Variants in ZNF791 observed in about 807,000 individuals in gnomAD.
ZNF791 encodes the protein zinc finger protein 791.
A neutral mutation model predicts 11.5 loss-of-function variants in ZNF791; 4 were observed. The ratio of observed to expected loss-of-function variants is 0.35; its 90% CI spans 0.17 to 0.80. The LOEUF (loss-of-function observed/expected upper bound fraction) is 0.80. ZNF791 is among the 30% of genes least tolerant of loss of function. ZNF791 has a pLI of 0.53. For synonymous variants in ZNF791, 212 were observed against 228.1 expected (o/e 0.93, Z 0.64); for missense variants, 559 against 699.4 (o/e 0.80, Z 2.26).
intron 1 of ZNF791, chr19:12,623,192 G>A (rs2023379746): frequency 6.5e-6 from 1 of 153,286 alleles, no homozygotes; most frequent in Non-Finnish European, 1.5e-5. Flanking sequence ...TTGAGCTGAG[G>A]AGTTTGAGAC....
chr19:12,615,775 G>A (rs1242614688), intron 1 of ZNF791, among the ~76,000 whole-genome samples: 16 of 128,504 alleles, frequency 1.2e-4, no homozygotes, highest in African/African-American at 4.9e-4. Flanking sequence ...GCAAGACTCC[G>A]TCTCAAAAAA....
chr19:12,614,698 G>A (rs185022731), intron 1 of ZNF791, among the ~76,000 whole-genome samples: 3 of 150,738 alleles, frequency 2.0e-5, no homozygotes, highest in African/African-American at 4.9e-5. Context: ...AGGTTCAAGC[G>A]ATTCTTCTGC....
intron 1 of ZNF791, among the ~76,000 whole-genome samples, chr19:12,621,056 C>T (rs2023335426): frequency 6.6e-6 from 1 of 151,970 alleles, no homozygotes. Context: ...CCATCCTGAC[C>T]CAGATTTTAT....
intron 1 of ZNF791, among the ~76,000 whole-genome samples, chr19:12,621,896 G>A (rs2023355229): frequency 1.7e-5 from 2 of 118,478 alleles, no homozygotes; most frequent in Non-Finnish European, 3.7e-5. Context: ...TGACAATGGC[G>A]GCTTTGTGGA....
chr19:12,627,919 G>A lies in ZNF791; in HGVS notation c.390G>A (p.Lys130=), dbSNP rs2145196232. 1 of 1,614,106 alleles carries A rather than the reference G, an allele frequency of 6.2e-7. No homozygotes were observed. Among genetic ancestry groups the A allele is most frequent in the Non-Finnish European group, 8.5e-7 (1 of 1,180,022 alleles). ...RSHTGYELFE[K]PYKCKECEKA... ...ACACTGGATACGAGCTATTTGAGAA[G>A]CCATATAAATGTAAGGAGTGTGAGA... Residue 130 remains lysine, a synonymous_variant, in exon 4 of 4, where the codon AAG becomes AAA. Coordinates refer to ENST00000343325, the MANE Select transcript of ZNF791 (RefSeq NM_153358.3).
intron 1 of ZNF791, among the ~76,000 whole-genome samples, chr19:12,622,698 G>A (rs2023372773): frequency 6.6e-6 from 1 of 151,906 alleles, no homozygotes; most frequent in Non-Finnish European, 1.5e-5. Context: ...TTCAAGACCA[G>A]CCTAGCCAAG....
rs1803434734 is a variant in ZNF791 at position 12,610,956 on chromosome 19, T to A, written c.-124T>A. 1.5e-6 allele frequency: 2 copies of A among 1,349,104 alleles called. No individual in the cohort carries two copies. The highest frequency in any genetic ancestry group is 2.1e-6 in the Non-Finnish European group (2 of 945,622). 83.6% of individuals were successfully genotyped at this position (1,349,104 alleles called of 1,614,324 possible). On this transcript the variant is annotated 5_prime_UTR_variant, in exon 1 of 4. Coordinates refer to ENST00000343325, the MANE Select transcript of ZNF791 (RefSeq NM_153358.3). ...ACGTCACTGTGCGATCGGGTTGTGC[T>A]TAGCTTGGGGTCTCCTGGCCCCTTG...
chr19:12,611,113 C>T (rs1043949858), intron 1 of ZNF791, 31 bp downstream of exon 1: 1 of 1,613,254 alleles, frequency 6.2e-7, no homozygotes, highest in Non-Finnish European at 8.5e-7. Flanking sequence ...TAGTTGGAAC[C>T]GGCCGTGATC....
intron 1 of ZNF791, among the ~76,000 whole-genome samples, chr19:12,611,338 G>C (rs1255932752): frequency 6.6e-6 from 1 of 152,186 alleles, no homozygotes; most frequent in East Asian, 1.9e-4. Context: ...TTGTGTGTTT[G>C]GTTTGTGTGG....
intron 1 of ZNF791, among the ~76,000 whole-genome samples, chr19:12,614,182 G>T (rs963925126): frequency 5.9e-5 from 9 of 152,090 alleles, no homozygotes; most frequent in Admixed American, 3.9e-4. Flanking sequence ...CTGATCAGGT[G>T]CTTCTATCCT....
intron 1 of ZNF791, among the ~76,000 whole-genome samples, chr19:12,616,738 G>A (rs1313305368): frequency 1.3e-5 from 2 of 152,104 alleles, no homozygotes; most frequent in Non-Finnish European, 2.9e-5. Flanking sequence ...TTAGATACTA[G>A]TCCTTAATCA....
At chr19:12,622,427 A>G (rs896927385) in intron 1 of ZNF791, among the ~76,000 whole-genome samples, 2 of 146,678 alleles carry the variant, frequency 1.4e-5, no homozygotes, top group African/African-American at 4.9e-5. Flanking sequence ...AAAAAAAAAA[A>G]AAAAACCTCC....
At position 12,623,785 on chromosome 19, in the gene ZNF791, G is replaced by A; in HGVS notation, c.89G>A (p.Arg30Lys). The A allele has an allele frequency of 6.3e-7, 1 of 1,594,978 alleles. No homozygotes were observed. The highest frequency in any genetic ancestry group is 8.6e-7 in the Non-Finnish European group (1 of 1,167,168). ...GCTCCTTCACAGAAGAAACTCTACA[G>A]AGATGTGATGCAGGAAACATTCAAG... ...LLAPSQKKLYRDVMQETFKNL... is the reference protein window; with the variant it reads ...LLAPSQKKLYKDVMQETFKNL... The change falls in exon 2 of 4, where the codon AGA becomes AAA. Residue 30 changes from arginine to lysine, a missense_variant. Arg to Lys is a conservative substitution (Grantham distance 26). Transcript: ENST00000343325.
At position 12,628,578 on chromosome 19, in the gene ZNF791, A is replaced by G. The variant is rs754719462; in HGVS notation, c.1049A>G (p.His350Arg). Residue 350 changes from histidine to arginine, a missense_variant, in exon 4 of 4, where the codon CAT (histidine) becomes CGT (arginine). His to Arg is a conservative substitution (Grantham distance 29, BLOSUM62 0). Transcript: ENST00000343325. ...GCCTTTCGAGTACACGTGAGAGTGCATACTGGAGAGAAACCCTATAAGTGT... is the reference window on the plus strand; with the variant it reads ...GCCTTTCGAGTACACGTGAGAGTGCGTACTGGAGAGAAACCCTATAAGTGT... ...RPAFRVHVRV[H>R]TGEKPYKCKE... 1 of 1,599,540 alleles carries G rather than the reference A, an allele frequency of 6.3e-7. No individual in the cohort carries two copies.
At position 12,630,905 on chromosome 19, in the gene ZNF791, T is replaced by C. The variant is rs1428962445; in HGVS notation, c.*1645T>C. 6.6e-6 allele frequency: 1 copy of C among 152,240 alleles called. No individual in the cohort carries two copies. Among genetic ancestry groups the C allele is most frequent in the Admixed American group, 6.5e-5 (1 of 15,280 alleles). The allele number at this position is 152,240 out of a possible 1,614,324, so 9.4% of individuals were successfully genotyped here. ...AAAAATAAGTTTATAAAGAAAATAA[T>C]GTACAGTAAGTTAAGGTTTATTCAT... On this transcript the variant is annotated 3_prime_UTR_variant, in exon 4 of 4. Coordinates refer to ENST00000343325, the MANE Select transcript of ZNF791 (RefSeq NM_153358.3).
chr19:12,629,063 C>A lies in ZNF791; in HGVS notation c.1534C>A (p.Gln512Lys), dbSNP rs779512556. 13 of 1,610,886 alleles carry A rather than the reference C, an allele frequency of 8.1e-6. No individual in the cohort carries two copies. Among genetic ancestry groups the A allele is most frequent in the Non-Finnish European group, 8.5e-7 (1 of 1,178,848 alleles). ...GKAFIYPTSF[Q>K]GHMRMHTGEK... ...GGCCTTTATTTATCCCACAAGCTTT[C>A]AAGGACACATGAGAATGCATACTGG... The change falls in exon 4 of 4, where the codon CAA becomes AAA. Residue 512 changes from glutamine (Q) to lysine (K), a missense_variant. By Grantham distance (53) the Gln-to-Lys change is moderately conservative. Coordinates refer to ENST00000343325, the MANE Select transcript of ZNF791 (RefSeq NM_153358.3).
At position 12,628,877 on chromosome 19, in the gene ZNF791, A is replaced by C. The variant is rs1330371750; in HGVS notation, c.1348A>C (p.Ile450Leu). The change falls in exon 4 of 4, where the codon ATT becomes CTT. Residue 450 changes from isoleucine (I) to leucine (L), a missense_variant. By Grantham distance (5) the Ile-to-Leu change is conservative (BLOSUM62 2). Coordinates refer to ENST00000343325, the MANE Select transcript of ZNF791 (RefSeq NM_153358.3). Reference sequence around the variant, plus strand: ...ATGTAGGGACTGTGGGAAGGTGTTCATTTTTCCTAGTGCGTTACGAACACA... The same window carrying C: ...ATGTAGGGACTGTGGGAAGGTGTTCCTTTTTCCTAGTGCGTTACGAACACA... ...YKCRDCGKVF[I>L]FPSALRTHER... is the part of the protein sequence containing the mutation. The C allele has an allele frequency of 1.2e-6, 2 of 1,613,526 alleles. No homozygotes were observed. The highest frequency in any genetic ancestry group is 3.3e-5 in the Admixed American group (2 of 59,886).
chr19:12,625,553 G>A (rs975303634), intron 3 of ZNF791, among the ~76,000 whole-genome samples: 29 of 151,558 alleles, frequency 1.9e-4, no homozygotes, highest in African/African-American at 6.8e-4. Context: ...GGGAAGGTGA[G>A]GTGGGCGGAT....
intron 1 of ZNF791, among the ~76,000 whole-genome samples, chr19:12,621,984 G>A (rs1419993858): frequency 7.5e-6 from 1 of 133,146 alleles, no homozygotes; most frequent in Non-Finnish European, 1.7e-5. Flanking sequence ...AGACATGGGA[G>A]ACTTTTCATT....
Sources: allele counts gnomAD v4.1 joint callset (sites outside exome capture counted in the v4.1 genomes callset), GRCh38; gene constraint gnomAD v4.1.1; transcripts MANE v1.5; gene names NCBI Gene and HGNC (gene_info 2026-07-23, HGNC 2026-07-21).